The following ROBO1 variants were observed in gnomAD, a reference collection of about 807,000 sequenced individuals.
The protein encoded by ROBO1 is roundabout homolog 1.
A neutral mutation model predicts 195.9 loss-of-function variants in ROBO1; 149 were observed. That is an observed-to-expected ratio of 0.76 (90% CI 0.67 to 0.87). The LOEUF (loss-of-function observed/expected upper bound fraction) is 0.87, where lower values mean the gene tolerates loss of function less well. ROBO1 is among the 40% of genes least tolerant of loss of function. The pLI is 0.00. For synonymous variants in ROBO1, 816 were observed against 733.2 expected (o/e 1.11, Z -1.82); for missense variants, 1,933 against 2,068.3 (o/e 0.93, Z 1.27).
At chr3:78,888,215 T>C (rs1289302921) in intron 4 of ROBO1, among the ~76,000 whole-genome samples, 1 of 152,206 alleles carries the variant, frequency 6.6e-6, no homozygotes, top group Non-Finnish European at 1.5e-5. Context: ...ACTGAAAAAG[T>C]ATTTCTCTAG....
At chr3:79,027,796 G>A (rs918641603) in intron 3 of ROBO1, among the ~76,000 whole-genome samples, 1 of 151,844 alleles carries the variant, frequency 6.6e-6, no homozygotes, top group Admixed American at 6.6e-5. Context: ...CTTTAAAGCT[G>A]CTTTATTACA....
intron 3 of ROBO1, among the ~76,000 whole-genome samples, chr3:78,979,432 A>C (rs561548864): frequency 1.5e-4 from 23 of 152,350 alleles, no homozygotes; most frequent in Non-Finnish European, 3.1e-4. Context: ...CAATGGACTG[A>C]ATAATTGTTG....
chr3:78,871,978 C>A (rs1458426467), intron 4 of ROBO1, among the ~76,000 whole-genome samples: 1 of 152,000 alleles, frequency 6.6e-6, no homozygotes, highest in African/African-American at 2.4e-5. Flanking sequence ...AATTCATGAC[C>A]CATCTATTTT....
chr3:79,540,968 T>A (rs1420876330), intron 2 of ROBO1, among the ~76,000 whole-genome samples: 1 of 152,124 alleles, frequency 6.6e-6, no homozygotes, highest in Non-Finnish European at 1.5e-5. Flanking sequence ...TTTCTACTAC[T>A]TTTTTTAGAC....
At chr3:79,427,357 A>C (rs974932167) in intron 2 of ROBO1, among the ~76,000 whole-genome samples, 3 of 152,124 alleles carry the variant, frequency 2.0e-5, no homozygotes, top group Non-Finnish European at 2.9e-5. Context: ...AGAATACTCT[A>C]TTTTACTTTA....
At chr3:79,534,894 G>A (rs6787042) in intron 2 of ROBO1, among the ~76,000 whole-genome samples, 86,878 of 151,882 alleles carry the variant, frequency 0.57, 24,974 homozygotes, top group Non-Finnish European at 0.6. Flanking sequence ...CTTGGGTGAC[G>A]CATACTAACG....
At chr3:78,849,635 C>T (rs2033909262) in intron 4 of ROBO1, among the ~76,000 whole-genome samples, 1 of 151,728 alleles carries the variant, frequency 6.6e-6, no homozygotes, top group Non-Finnish European at 1.5e-5. Context: ...TATAAAATCA[C>T]ATCATATCAT....
At chr3:78,657,394 T>C (rs1489332560) in intron 17 of ROBO1, 125 bp from the exon 18 acceptor site, 19 of 890,532 alleles carry the variant, frequency 2.1e-5, no homozygotes, top group Non-Finnish European at 2.9e-5. Flanking sequence ...ATAAGAAGTT[T>C]CCAAAGTCAT....
At chr3:78,860,302 CTATATA>C (rs1200780060) in intron 4 of ROBO1, among the ~76,000 whole-genome samples, 30 of 104,740 alleles carry the variant, frequency 2.9e-4, no homozygotes, top group Admixed American at 9.6e-4. Flanking sequence ...TTGAAATATA[CTATATA>C]TATATATATA....
intron 21 of ROBO1, among the ~76,000 whole-genome samples, chr3:78,640,412 G>A (rs746491650): frequency 3.8e-4 from 58 of 152,080 alleles, no homozygotes; most frequent in Non-Finnish European, 3.5e-4. Context: ...TAATGAGTTT[G>A]GGGCTCTGTG....
At chr3:78,903,965 G>GA (rs574958501) in intron 4 of ROBO1, among the ~76,000 whole-genome samples, 5 of 151,552 alleles carry the variant, frequency 3.3e-5, no homozygotes, top group Admixed American at 6.6e-5. Context: ...CAAAATAGAA[G>GA]AAAAAAAATT....
intron 3 of ROBO1, among the ~76,000 whole-genome samples, chr3:79,069,777 C>T (rs957490015): frequency 2.0e-5 from 3 of 151,642 alleles, no homozygotes; most frequent in Non-Finnish European, 4.4e-5. Flanking sequence ...GACAGGTGAT[C>T]AAAAATCTGA....
chr3:79,648,392 C>T (rs7613771), intron 1 of ROBO1, among the ~76,000 whole-genome samples: 87,655 of 151,832 alleles, frequency 0.58, 25,600 homozygotes, highest in South Asian at 0.67. Flanking sequence ...AAAGATATCT[C>T]CAACACAGAC....
intron 2 of ROBO1, among the ~76,000 whole-genome samples, chr3:79,363,123 A>G (rs919488779): frequency 1.4e-4 from 21 of 152,226 alleles, no homozygotes; most frequent in African/African-American, 4.6e-4. Flanking sequence ...AGCCACTAAC[A>G]GCAAAATGAA....
At chr3:78,710,452 C>A (rs1302198987) in intron 8 of ROBO1, among the ~76,000 whole-genome samples, 1 of 152,164 alleles carries the variant, frequency 6.6e-6, no homozygotes, top group Non-Finnish European at 1.5e-5. Context: ...CTAGAATTAT[C>A]TAAAACTACT....
intron 4 of ROBO1, among the ~76,000 whole-genome samples, chr3:78,912,464 A>G (rs2038303250): frequency 6.6e-6 from 1 of 152,062 alleles, no homozygotes; most frequent in African/African-American, 2.4e-5. Context: ...AACCAGGATA[A>G]CTGTACCCAT....
intron 2 of ROBO1, among the ~76,000 whole-genome samples, chr3:79,287,016 A>G (rs78028760): frequency 6.6e-6 from 1 of 152,150 alleles, no homozygotes; most frequent in Admixed American, 6.5e-5. Context: ...ATCATTGTAC[A>G]TATATGTCCT....
At chr3:78,942,600 A>T (rs2040199269) in intron 3 of ROBO1, among the ~76,000 whole-genome samples, 1 of 152,212 alleles carries the variant, frequency 6.6e-6, no homozygotes, top group East Asian at 1.9e-4. Flanking sequence ...ATGAGACATG[A>T]AGAATTTGGG....
intron 2 of ROBO1, among the ~76,000 whole-genome samples, chr3:79,471,506 T>G (rs1938268550): frequency 6.6e-6 from 1 of 152,172 alleles, no homozygotes; most frequent in Non-Finnish European, 1.5e-5. Context: ...TATACTATGT[T>G]AAAGAATTAT....
Sources: allele counts gnomAD v4.1 joint callset (sites outside exome capture counted in the v4.1 genomes callset), GRCh38; gene constraint gnomAD v4.1.1; transcripts MANE v1.5; gene names NCBI Gene and HGNC (gene_info 2026-07-23, HGNC 2026-07-21).